Variants in MAPKAP1 observed in about 807,000 individuals in gnomAD.
MAPKAP1 encodes the protein target of rapamycin complex 2 subunit MAPKAP1.
In MAPKAP1, 20 loss-of-function variants were observed where a neutral mutation model predicts 65.7. The observed-to-expected ratio is 0.30, with a 90% CI of 0.21 to 0.44. The LOEUF is 0.44. Ranked by LOEUF, MAPKAP1 falls within the 20% of genes least tolerant of loss-of-function variation. The probability of loss-of-function intolerance (pLI) is 1.00; values close to 1 mark genes in which losing one functional copy is unlikely to be tolerated. For missense variants in MAPKAP1, 423 were observed against 648.0 expected (o/e 0.65, Z 3.77); for synonymous variants, 222 against 244.3 (o/e 0.91, Z 0.85).
At chr9:125,582,379 T>A (rs1481389261) in intron 5 of MAPKAP1, among the ~76,000 whole-genome samples, 5 of 152,214 alleles carry the variant, frequency 3.3e-5, no homozygotes, top group Admixed American at 3.3e-4. Context: ...ATTGTCTGTG[T>A]TTCTTGGTAC....
At chr9:125,594,711 T>TCA (rs1832074253) in intron 4 of MAPKAP1, among the ~76,000 whole-genome samples, 1 of 152,032 alleles carries the variant, frequency 6.6e-6, no homozygotes, top group African/African-American at 2.4e-5. Context: ...TTCCCCACAC[T>TCA]CTCTCATTCA....
intron 1 of MAPKAP1, among the ~76,000 whole-genome samples, chr9:125,680,824 C>A (rs1395216324): frequency 6.6e-6 from 1 of 152,096 alleles, no homozygotes. Flanking sequence ...AAGATAAACC[C>A]ACCACCAAAT....
intron 5 of MAPKAP1, 36 bp downstream of exon 5, chr9:125,585,519 C>G (rs767192711): frequency 1.9e-6 from 3 of 1,603,844 alleles, no homozygotes; most frequent in South Asian, 2.2e-5. Context: ...CAAAAGACCA[C>G]AAGAAACTAG....
intron 8 of MAPKAP1, among the ~76,000 whole-genome samples, chr9:125,490,984 A>G (rs1189837113): frequency 6.6e-6 from 1 of 151,938 alleles, no homozygotes; most frequent in Non-Finnish European, 1.5e-5. Flanking sequence ...TAAAAATACA[A>G]AAAATTAGCT....
At chr9:125,703,930 T>G (rs1043864707) in intron 1 of MAPKAP1, among the ~76,000 whole-genome samples, 8 of 152,174 alleles carry the variant, frequency 5.3e-5, no homozygotes, top group Admixed American at 3.3e-4. Flanking sequence ...ACTGCAAAAG[T>G]TTCTGAAGTC....
In MAPKAP1 at chr9:125,438,998, C is replaced by T; in HGVS notation, c.1458G>A (p.Leu486=). Residue 486 remains leucine, a synonymous_variant, in exon 12 of 12, where the codon CTG becomes CTA. Transcript: ENST00000265960. ...CCCGGGCAGTGCTAGCTCGCGATTC[C>T]AGGATGTAGTTAACCTAGAAACAAG... The part of the protein sequence containing the change: ...NEIVLKVNYI[L]ESRASTARAD... 6.2e-7 allele frequency: 1 copy of T among 1,613,822 alleles called. No homozygotes were observed. The highest frequency in any genetic ancestry group is 8.5e-7 in the Non-Finnish European group (1 of 1,179,998).
At chr9:125,700,721 A>G (rs1252166511) in intron 1 of MAPKAP1, among the ~76,000 whole-genome samples, 1 of 152,172 alleles carries the variant, frequency 6.6e-6, no homozygotes, top group Admixed American at 6.5e-5. Context: ...TATTCCCTTT[A>G]TTTTTATATT....
chr9:125,477,862 AC>A (rs961943559), intron 9 of MAPKAP1, among the ~76,000 whole-genome samples: 69 of 152,328 alleles, frequency 4.5e-4, no homozygotes, highest in African/African-American at 1.3e-3. Context: ...TATATGGAAG[AC>A]CAAGTTAATG....
At chr9:125,462,492 CT>C (rs1173716137) in intron 10 of MAPKAP1, among the ~76,000 whole-genome samples, 2 of 152,204 alleles carry the variant, frequency 1.3e-5, no homozygotes, top group African/African-American at 4.8e-5. Flanking sequence ...TTAAGACAGC[CT>C]CTGAACTGGG....
chr9:125,441,909 C>T (rs1476454758), intron 11 of MAPKAP1, among the ~76,000 whole-genome samples: 1 of 152,054 alleles, frequency 6.6e-6, no homozygotes, highest in African/African-American at 2.4e-5. Context: ...GGGCAGATCA[C>T]TTGAGGCCAG....
chr9:125,462,198 G>A lies in MAPKAP1; in HGVS notation c.1345+5774C>T, dbSNP rs73591528. ...AGAAATCAGGTGGCGAGGATCCGAC[G>A]GATAAGCTGGGGTGTGCCCAGGGTG... On this transcript the variant is annotated intron_variant, in intron 10 of 11. Coordinates refer to ENST00000265960, the MANE Select transcript of MAPKAP1 (RefSeq NM_001006617.3). Among the ~76,000 whole-genome samples, 264 of 152,274 alleles carry A rather than the reference G, an allele frequency of 1.7e-3. 1 individual carries two copies. Among genetic ancestry groups the A allele is most frequent in the African/African-American group, 6.3e-3 (261 of 41,550 alleles).
intron 6 of MAPKAP1, among the ~76,000 whole-genome samples, chr9:125,555,238 A>G (rs1830703750): frequency 6.6e-6 from 1 of 152,252 alleles, no homozygotes; most frequent in Non-Finnish European, 1.5e-5. Flanking sequence ...AGGAGAATTT[A>G]TTTCCCTTTA....
chr9:125,563,575 TTCTATTATCTCTCCA>T (rs1275532322), intron 5 of MAPKAP1, among the ~76,000 whole-genome samples: 1 of 152,224 alleles, frequency 6.6e-6, no homozygotes, highest in Non-Finnish European at 1.5e-5. Flanking sequence ...GCAAGGATTC[TTCTATTATCTCTCCA>T]TACTTACTAA....
At chr9:125,613,522 C>T (rs1434680530) in intron 4 of MAPKAP1, among the ~76,000 whole-genome samples, 5 of 152,194 alleles carry the variant, frequency 3.3e-5, no homozygotes, top group African/African-American at 4.8e-5. Flanking sequence ...CAGAGTACTC[C>T]ATGGTGTCAG....
intron 11 of MAPKAP1, 112 bp downstream of exon 11, chr9:125,444,389 C>T (rs560038291): frequency 3.1e-5 from 25 of 817,764 alleles, no homozygotes; most frequent in South Asian, 1.1e-4. Flanking sequence ...AAACTGGGCC[C>T]GGGAACCTTC....
Position 125,447,633 on chromosome 9 carries a change from C to G in MAPKAP1, c.1346-3035G>C, listed in dbSNP as rs372144789. 1 of 391,434 alleles carries G rather than the reference C, an allele frequency of 2.6e-6. No homozygotes were observed. The highest frequency in any genetic ancestry group is 2.1e-5 in the African/African-American group (1 of 48,536). The allele number at this position is 391,434 out of a possible 1,614,324, so 24.2% of individuals were successfully genotyped here. A position where few individuals can be genotyped will look rare whatever the true frequency, so the allele number is the denominator to read the frequency against. ...GGCCAGAAGGGCAGTTTTCCTCAGT[C>G]TGGGCTCTGCCAGGAGCATGGGCTA... On this transcript the variant is annotated intron_variant, in intron 10 of 11. Transcript: ENST00000265960. The surrounding 1 kb of genome is among the most constrained non-coding windows in gnomAD (Gnocchi z 4.5).
chr9:125,443,227 A>G (rs910274743), intron 11 of MAPKAP1, among the ~76,000 whole-genome samples: 6 of 152,160 alleles, frequency 3.9e-5, no homozygotes, highest in Admixed American at 6.5e-5. Context: ...GATAACTTAC[A>G]TAGGTTTACC....
At chr9:125,507,704 GC>G (rs1474754011) in intron 7 of MAPKAP1, among the ~76,000 whole-genome samples, 2 of 152,042 alleles carry the variant, frequency 1.3e-5, no homozygotes, top group African/African-American at 4.8e-5. Context: ...CTTAAATAAA[GC>G]TTTTAAACCT....
At chr9:125,699,637 AT>A (rs576223488) in intron 1 of MAPKAP1, among the ~76,000 whole-genome samples, 4,287 of 136,152 alleles carry the variant, frequency 0.031, 167 homozygotes, top group African/African-American at 0.1. Context: ...TTTGATTTTG[AT>A]TTTTTTTTTT....
Sources: gnomAD v4.1 joint callset for allele counts (sites outside exome capture counted in the v4.1 genomes callset) on GRCh38, gnomAD v4.1.1 for gene constraint, Gnocchi (gnomAD v3.1) non-coding constraint, MANE v1.5 for transcripts, NCBI Gene and HGNC (gene_info 2026-07-23, HGNC 2026-07-21) for gene names.